Variants in HCK observed in about 807,000 individuals in gnomAD.
HCK encodes HCK proto-oncogene, Src family tyrosine kinase.
HCK carries 40 observed loss-of-function variants against 70.4 expected under a neutral mutation model. The observed-to-expected ratio is 0.57, with a 90% CI of 0.44 to 0.74. The LOEUF (loss-of-function observed/expected upper bound fraction) is 0.74, where lower values mean the gene tolerates loss of function less well. HCK is among the 30% of genes least tolerant of loss of function. The pLI, the probability that HCK is intolerant of heterozygous loss-of-function variation, is 0.00. For missense variants in HCK, 568 were observed against 697.2 expected (o/e 0.81, Z 2.09); for synonymous variants, 245 against 263.2 (o/e 0.93, Z 0.67).
rs2122424164 is a variant in HCK, at chr20:32,052,448, G to A, written c.24G>A (p.Glu8=). The A allele has an allele frequency of 2.3e-6, 3 of 1,277,756 alleles. No homozygotes were observed. The highest frequency in any genetic ancestry group is 6.3e-5 in the East Asian group (2 of 31,812). The allele number at this position is 1,277,756 out of a possible 1,614,324, so 79.2% of individuals were successfully genotyped here. The change falls in exon 1 of 13, where the codon GAG becomes GAA. Residue 8 remains glutamate (E), a synonymous_variant. Transcript: ENST00000375852. ...AGCTGGGGGGGCGCTCAAGCTGCGAGGATCCGGGCTGCCCGCGAGACGAGG... is the reference window on the plus strand; with the variant it reads ...AGCTGGGGGGGCGCTCAAGCTGCGAAGATCCGGGCTGCCCGCGAGACGAGG...
intron 6 of HCK, among the ~76,000 whole-genome samples, chr20:32,082,228 A>G (rs2045717588): frequency 6.6e-6 from 1 of 152,122 alleles, no homozygotes; most frequent in South Asian, 2.1e-4. Context: ...TAAATAAATA[A>G]TATTATAATT....
chr20:32,093,815 T>C (rs746775844), intron 10 of HCK, 48 bp from the exon 11 acceptor site: 1 of 1,559,222 alleles, frequency 6.4e-7, no homozygotes. Flanking sequence ...GGGGCCATCT[T>C]GGCGTAGGCC....
intron 2 of HCK, 174 bp downstream of exon 2, chr20:32,071,956 G>A: frequency 1.4e-6 from 1 of 726,482 alleles, no homozygotes; most frequent in Non-Finnish European, 2.2e-6. Context: ...CAGCCAGCAT[G>A]CATAGGGGCA....
At position 32,073,726 on chromosome 20, in the gene HCK, G is replaced by A. The variant is rs757231454; in HGVS notation, c.237G>A (p.Glu79=). ...TGTCTCCCTTCCCAGCAGGCTCTGAGGACATCATCGTGGTTGCCCTGTATG... is the reference window on the plus strand; with the variant it reads ...TGTCTCCCTTCCCAGCAGGCTCTGAAGACATCATCGTGGTTGCCCTGTATG... Residue 79 remains glutamate, a synonymous_variant, in exon 4 of 13, where the codon GAG becomes GAA. Coordinates refer to ENST00000375852, the MANE Select transcript of HCK (RefSeq NM_002110.5). The A allele has an allele frequency of 5.8e-6, 9 of 1,556,974 alleles. No homozygotes were observed. The East Asian group carries it at 1.2e-4, about 21-fold the overall frequency.
At chr20:32,082,629 G>A (rs993788648) in intron 6 of HCK, among the ~76,000 whole-genome samples, 7 of 152,054 alleles carry the variant, frequency 4.6e-5, no homozygotes, top group African/African-American at 1.4e-4. Context: ...ATGACACAGC[G>A]AGACTCTGAC....
rs113242783 is a variant in HCK at position 32,069,800 on chromosome 20, T to A, written c.63-1862T>A. Reference sequence around the variant, plus strand: ...ATCTTTTTTCATTTTTAAAAGTAACTCATCTAAGCCTAGGAGTTTGGGGTT... The same window carrying A: ...ATCTTTTTTCATTTTTAAAAGTAACACATCTAAGCCTAGGAGTTTGGGGTT... On this transcript the variant is annotated intron_variant, in intron 1 of 12. Transcript: ENST00000375852. 1.2e-3 allele frequency: 1,479 copies of A among 1,246,736 alleles called. 23 individuals carry two copies. The African/African-American group carries it at 0.022, about 18-fold the overall frequency. The allele number at this position is 1,246,736 out of a possible 1,614,324, so 77.2% of individuals were successfully genotyped here. A position where few individuals can be genotyped will look rare whatever the true frequency, so the allele number is the denominator to read the frequency against.
chr20:32,083,849 G>A lies in HCK; in HGVS notation c.533-45G>A, dbSNP rs200244202. On this transcript the variant is annotated intron_variant, in intron 6 of 12. Coordinates refer to ENST00000375852, the MANE Select transcript of HCK (RefSeq NM_002110.5). Reference sequence around the variant, plus strand: ...TCAGAGTGCTAATGCAAGGTGGCAGGCCTCCAAGATGCCATTCTGAGGGGT... The same window carrying A: ...TCAGAGTGCTAATGCAAGGTGGCAGACCTCCAAGATGCCATTCTGAGGGGT... The A allele has an allele frequency of 3.7e-5, 59 of 1,610,950 alleles. No homozygotes were observed. The Admixed American group carries it at 8.7e-4, about 24-fold the overall frequency.
At chr20:32,072,970 T>C (rs562701521) in intron 2 of HCK, among the ~76,000 whole-genome samples, 8 of 152,078 alleles carry the variant, frequency 5.3e-5, no homozygotes, top group Admixed American at 4.6e-4. Flanking sequence ...CATGGTGGCA[T>C]GCGCCTGTAA....
chr20:32,095,139 A>T (rs2045937895), intron 11 of HCK, among the ~76,000 whole-genome samples: 1 of 152,244 alleles, frequency 6.6e-6, no homozygotes, highest in Admixed American at 6.5e-5. Flanking sequence ...CATAAAATGG[A>T]ATGAAGTACT....
intron 1 of HCK, among the ~76,000 whole-genome samples, chr20:32,056,719 C>A (rs988141376): frequency 2.6e-5 from 4 of 152,122 alleles, no homozygotes; most frequent in Admixed American, 2.6e-4. Context: ...CTCATTCAAA[C>A]CAGGCTGCCC....
At chr20:32,079,445 C>T (rs1220722657) in intron 5 of HCK, among the ~76,000 whole-genome samples, 2 of 152,290 alleles carry the variant, frequency 1.3e-5, no homozygotes, top group Non-Finnish European at 1.5e-5. Context: ...TCCCTCACAG[C>T]GAGCAGCACT....
At chr20:32,061,163 T>A (rs1240432323) in intron 1 of HCK, among the ~76,000 whole-genome samples, 2 of 152,208 alleles carry the variant, frequency 1.3e-5, no homozygotes, top group Non-Finnish European at 2.9e-5. Flanking sequence ...TTTGTATTTT[T>A]AGTAGAGACG....
At chr20:32,079,313 G>A (rs956198817) in intron 5 of HCK, among the ~76,000 whole-genome samples, 6 of 152,130 alleles carry the variant, frequency 3.9e-5, no homozygotes, top group African/African-American at 1.4e-4. Flanking sequence ...AGGCTTCCAA[G>A]GTCCCAAGAA....
chr20:32,054,475 TAAAAAAAAAAAAAAAAAAAAAAAAAAAAA>T (rs529274774), intron 1 of HCK, among the ~76,000 whole-genome samples: 472 of 15,874 alleles, frequency 0.03, 15 homozygotes, highest in African/African-American at 0.084. Context: ...AAACTCCACC[TAAAAAAAAAAAAAAAAAAAAAAAAAAAAA>T]AAAAAAAAAA....
intron 5 of HCK, among the ~76,000 whole-genome samples, chr20:32,076,414 CT>C: frequency 6.6e-6 from 1 of 152,190 alleles, no homozygotes; most frequent in Non-Finnish European, 1.5e-5. Flanking sequence ...AGGCTTTGCC[CT>C]GGGTCATCCC....
chr20:32,078,637 A>G (rs1231319001), intron 5 of HCK, among the ~76,000 whole-genome samples: 1 of 151,756 alleles, frequency 6.6e-6, no homozygotes, highest in Non-Finnish European at 1.5e-5. Context: ...TGGATGGATC[A>G]CCTGAGTTCA....
chr20:32,078,022 G>GT (rs201619397), intron 5 of HCK, among the ~76,000 whole-genome samples: 188 of 149,174 alleles, frequency 1.3e-3, no homozygotes, highest in African/African-American at 2.2e-3. Context: ...GAGACAGTTG[G>GT]TTTTTTTTGT....
At chr20:32,083,294 TA>T (rs2045732876) in intron 6 of HCK, among the ~76,000 whole-genome samples, 1 of 152,174 alleles carries the variant, frequency 6.6e-6, no homozygotes, top group Non-Finnish European at 1.5e-5. Context: ...TTTTACCATG[TA>T]AGGTAACATA....
intron 3 of HCK, 54 bp from the exon 4 acceptor site, chr20:32,073,662 G>C: frequency 1.6e-6 from 2 of 1,251,202 alleles, no homozygotes; most frequent in East Asian, 5.1e-5. Context: ...GGGTCACCAA[G>C]GGCTGTGGAT....
Sources: allele counts gnomAD v4.1 joint callset (sites outside exome capture counted in the v4.1 genomes callset), GRCh38; gene constraint gnomAD v4.1.1; transcripts MANE v1.5; gene names NCBI Gene and HGNC (gene_info 2026-07-23, HGNC 2026-07-21).